PFKFB1: variants seen among roughly 807,000 people sequenced by gnomAD.
The protein encoded by PFKFB1 is 6-phosphofructo-2-kinase/fructose-2,6-bisphosphatase 1.
In PFKFB1, 34 loss-of-function variants were observed where a neutral mutation model predicts 46.4. The ratio of observed to expected loss-of-function variants is 0.73; its 90% CI spans 0.56 to 0.98. PFKFB1 has a LOEUF of 0.98. Among genes scored for constraint, PFKFB1 ranks in the 50% least tolerant of loss-of-function variants. PFKFB1 has a pLI of 0.00. For missense variants in PFKFB1, 393 were observed against 376.3 expected (o/e 1.04, Z -0.37); for synonymous variants, 119 against 133.8 (o/e 0.89, Z 0.76).
At chrX:54,949,530 T>C (rs1933905387) in intron 8 of PFKFB1, among the ~76,000 whole-genome samples, 1 of 111,145 alleles carries the variant, frequency 9.0e-6, no homozygotes, top group African/African-American at 3.3e-5. Flanking sequence ...CCTCTAACAT[T>C]TGTGGAGCCT....
At chrX:54,952,774 C>T (rs778110917) in intron 7 of PFKFB1, among the ~76,000 whole-genome samples, 4 of 110,392 alleles carry the variant, frequency 3.6e-5, no homozygotes, top group Non-Finnish European at 5.7e-5. Flanking sequence ...GACCCACTGT[C>T]TGTGCTTTGG....
chrX:54,966,796 G>C (rs1205866722), intron 1 of PFKFB1, among the ~76,000 whole-genome samples: 1 of 111,637 alleles, frequency 9.0e-6, no homozygotes, highest in African/African-American at 3.3e-5. Context: ...CATGACAGTG[G>C]GTAGTTTTTG....
intron 12 of PFKFB1, among the ~76,000 whole-genome samples, chrX:54,934,436 CAG>C (rs1172573332): frequency 9.0e-6 from 1 of 111,289 alleles, no homozygotes; most frequent in African/African-American, 3.3e-5. Context: ...TTGGGGCTGA[CAG>C]AGGGGGCCTA....
Position 54,994,160 on chromosome X carries a change from T to C in PFKFB1, c.-153A>G. ...TGGGTTTCTGAGCCCTCTCAAAGTCTGTCTTCAGTCCCCTCTCTTCTTTCC... is the reference window on the plus strand; with the variant it reads ...TGGGTTTCTGAGCCCTCTCAAAGTCCGTCTTCAGTCCCCTCTCTTCTTTCC... On this transcript the variant is annotated 5_prime_UTR_variant, in exon 1 of 14. Coordinates refer to ENST00000375006, the MANE Select transcript of PFKFB1 (RefSeq NM_002625.4). The C allele has an allele frequency of 9.2e-7, 1 of 1,086,537 alleles. No homozygotes were observed. Among genetic ancestry groups the C allele is most frequent in the Non-Finnish European group, 1.2e-6 (1 of 837,872 alleles). The allele number at this position is 1,086,537 out of a possible 1,213,427, so 89.5% of individuals were successfully genotyped here.
upstream of PFKFB1, among the ~76,000 whole-genome samples, chrX:54,995,368 C>A (rs1038366152): frequency 6.2e-5 from 7 of 112,128 alleles, no homozygotes; most frequent in African/African-American, 2.3e-4. Flanking sequence ...CTCAGTTCCA[C>A]TTTGCCTTTT....
At chrX:54,973,899 T>G (rs1405823697) in intron 1 of PFKFB1, among the ~76,000 whole-genome samples, 1 of 111,347 alleles carries the variant, frequency 9.0e-6, no homozygotes. Flanking sequence ...GACAAAATCT[T>G]TAGGTATAAC....
chrX:54,981,729 T>C (rs2146677426), intron 1 of PFKFB1, among the ~76,000 whole-genome samples: 1 of 111,887 alleles, frequency 8.9e-6, no homozygotes, highest in South Asian at 3.7e-4. Context: ...CATGGGTTTA[T>C]AAAACAACTA....
At chrX:54,986,945 G>A (rs1935128491) in intron 1 of PFKFB1, among the ~76,000 whole-genome samples, 1 of 110,324 alleles carries the variant, frequency 9.1e-6, no homozygotes, top group Non-Finnish European at 1.9e-5. Flanking sequence ...AAGGATTAGA[G>A]GTGAAAATAA....
At chrX:54,984,232 C>T (rs1040423656) in intron 1 of PFKFB1, among the ~76,000 whole-genome samples, 12 of 111,729 alleles carry the variant, frequency 1.1e-4, no homozygotes, top group Non-Finnish European at 1.9e-4. Context: ...AAAAGGCATA[C>T]GGTTTGGAAA....
chrX:54,937,427 A>T (rs742049), intron 11 of PFKFB1, among the ~76,000 whole-genome samples, 168 bp downstream of exon 11: 8,227 of 112,143 alleles, frequency 0.073, 739 homozygotes, highest in African/African-American at 0.25. Flanking sequence ...GAAGTTAAAG[A>T]AATTTGTGAA....
At chrX:54,962,087 A>C (rs1336550666) in intron 2 of PFKFB1, among the ~76,000 whole-genome samples, 1 of 111,123 alleles carries the variant, frequency 9.0e-6, no homozygotes, top group Non-Finnish European at 1.9e-5. Context: ...TTGTGCTTTG[A>C]AATATGACTC....
At chrX:54,958,616 C>G (rs1934223191) in intron 5 of PFKFB1, among the ~76,000 whole-genome samples, 1 of 110,796 alleles carries the variant, frequency 9.0e-6, no homozygotes, top group Non-Finnish European at 1.9e-5. Context: ...GTGACTCTCT[C>G]CACTCTTTCC....
chrX:54,996,260 C>G (rs1298597612), upstream of PFKFB1, among the ~76,000 whole-genome samples: 1 of 112,037 alleles, frequency 8.9e-6, no homozygotes, highest in Non-Finnish European at 1.9e-5. Context: ...AATTATAACC[C>G]TTTCCCTGTA....
chrX:54,992,270 T>C (rs1428856909), intron 1 of PFKFB1, among the ~76,000 whole-genome samples: 2 of 111,991 alleles, frequency 1.8e-5, no homozygotes, highest in African/African-American at 6.5e-5. Flanking sequence ...TTCTTGTTTA[T>C]ATAACAAGAA....
At chrX:54,990,337 A>G (rs1335926681) in intron 1 of PFKFB1, among the ~76,000 whole-genome samples, 3 of 111,603 alleles carry the variant, frequency 2.7e-5, no homozygotes, top group Non-Finnish European at 3.8e-5. Context: ...CTACAAATGC[A>G]ACAGAGATAA....
At chrX:54,965,683 AATATAACTGATCTTTTAAAGCAAT>A (rs1251696820) in intron 1 of PFKFB1, among the ~76,000 whole-genome samples, 13 of 111,442 alleles carry the variant, frequency 1.2e-4, no homozygotes, top group Non-Finnish European at 2.3e-4. Flanking sequence ...ATTGTTCTAA[AATATAACTGATCTTTTAAAGCAAT>A]AATAGTACCA....
intron 11 of PFKFB1, among the ~76,000 whole-genome samples, chrX:54,935,395 T>A (rs999183947): frequency 9.0e-6 from 1 of 111,649 alleles, no homozygotes; most frequent in African/African-American, 3.3e-5. Flanking sequence ...TCAGCAAGTG[T>A]TTTTTGAGAC....
chrX:54,980,483 C>T (rs1326797063), intron 1 of PFKFB1, among the ~76,000 whole-genome samples: 1 of 110,536 alleles, frequency 9.0e-6, no homozygotes, highest in Non-Finnish European at 1.9e-5. Context: ...ACTCTTTGGG[C>T]TCAAAGTAGG....
At chrX:54,945,371 A>G (rs1165002844) in intron 10 of PFKFB1, 68 bp downstream of exon 10, 4 of 594,322 alleles carry the variant, frequency 6.7e-6, no homozygotes. Flanking sequence ...ACAATTGTGG[A>G]ATCCTAGCAG....
Sources: allele counts gnomAD v4.1 joint callset (sites outside exome capture counted in the v4.1 genomes callset), GRCh38; gene constraint gnomAD v4.1.1; transcripts MANE v1.5; gene names NCBI Gene and HGNC (gene_info 2026-07-23, HGNC 2026-07-21).